The following CMAS variants were observed in gnomAD, a reference collection of about 807,000 sequenced individuals.
CMAS encodes N-acylneuraminate cytidylyltransferase.
Under a neutral mutation model 53.4 loss-of-function variants are expected in CMAS, and 21 were observed. The ratio of observed to expected loss-of-function variants is 0.39; its 90% CI spans 0.28 to 0.57. The LOEUF is 0.57. Ranked by LOEUF, CMAS falls within the 20% of genes least tolerant of loss-of-function variation. CMAS has a pLI of 0.56. For missense variants in CMAS, 384 were observed against 534.9 expected (o/e 0.72, Z 2.78); for synonymous variants, 189 against 195.2 (o/e 0.97, Z 0.27).
In CMAS at chr12:22,058,694, C is replaced by T. The variant is rs1472892529; in HGVS notation, c.687C>T (p.Tyr229=). The change falls in exon 4 of 8, where the codon TAC becomes TAT. Residue 229 remains tyrosine, a synonymous_variant. Coordinates refer to ENST00000229329, the MANE Select transcript of CMAS (RefSeq NM_018686.6). ...FAKRHLIEMG[Y]LQGGKMAYYE... ...AAAGACATTTGATAGAGATGGGTTA[C>T]TTGCAGGTTTGTACCTTCATTTTGC... 1 of 1,612,944 alleles carries T rather than the reference C, an allele frequency of 6.2e-7. No homozygotes were observed. Among genetic ancestry groups the T allele is most frequent in the Non-Finnish European group, 8.5e-7 (1 of 1,179,482 alleles).
intron 4 of CMAS, among the ~76,000 whole-genome samples, chr12:22,059,844 C>T (rs1482595097): frequency 6.7e-6 from 1 of 149,400 alleles, no homozygotes; most frequent in African/African-American, 2.5e-5. Flanking sequence ...ACTGACAATT[C>T]TGAAAAAAAA....
intron 6 of CMAS, 92 bp downstream of exon 6, chr12:22,061,544 T>A (rs758777187): frequency 2.4e-5 from 20 of 841,612 alleles, no homozygotes; most frequent in Non-Finnish European, 2.9e-5. Flanking sequence ...ATTTTTAGTA[T>A]TAACTCTTAA....
At chr12:22,054,648 ATATTT>A in intron 1 of CMAS, among the ~76,000 whole-genome samples, 1 of 151,946 alleles carries the variant, frequency 6.6e-6, no homozygotes, top group Non-Finnish European at 1.5e-5. Flanking sequence ...GCATATTAAA[ATATTT>A]TATACAATAT....
intron 1 of CMAS, among the ~76,000 whole-genome samples, chr12:22,050,984 CT>C: frequency 6.6e-6 from 1 of 152,018 alleles, no homozygotes; most frequent in South Asian, 2.1e-4. Flanking sequence ...TCTTTTGTTT[CT>C]TCAAAAAATG....
intron 3 of CMAS, 99 bp from the exon 4 acceptor site, chr12:22,058,468 T>C (rs900096404): frequency 5.9e-6 from 6 of 1,017,572 alleles, no homozygotes; most frequent in African/African-American, 1.6e-5. Context: ...AAAGAAATGC[T>C]CTGCATTCTG....
At chr12:22,064,386 A>G (rs1208964851) in intron 7 of CMAS, among the ~76,000 whole-genome samples, 3 of 152,120 alleles carry the variant, frequency 2.0e-5, no homozygotes, top group African/African-American at 7.2e-5. Flanking sequence ...CTATTAATAA[A>G]TGGCATACCA....
At chr12:22,063,948 A>C (rs1950326561) in intron 7 of CMAS, 1 of 152,098 alleles carries the variant, frequency 6.6e-6, no homozygotes, top group South Asian at 2.1e-4. Flanking sequence ...AAAAAATAAT[A>C]ACTCACTCAC....
At chr12:22,061,231 A>C (rs1345149826) in intron 5 of CMAS, 50 bp from the exon 6 acceptor site, 5 of 1,233,538 alleles carry the variant, frequency 4.1e-6, no homozygotes, top group Non-Finnish European at 5.9e-6. Context: ...GATGAGAGGG[A>C]GTGATTAGTA....
At chr12:22,063,200 A>G (rs1950319987) in intron 7 of CMAS, among the ~76,000 whole-genome samples, 1 of 152,210 alleles carries the variant, frequency 6.6e-6, no homozygotes, top group Non-Finnish European at 1.5e-5. Context: ...CATAATAACT[A>G]TAAATCATGT....
At chr12:22,060,645 C>T (rs1301378273) in intron 4 of CMAS, 187 bp from the exon 5 acceptor site, 2 of 448,486 alleles carry the variant, frequency 4.5e-6, no homozygotes, top group Admixed American at 3.4e-5. Context: ...CAGAGTGAAA[C>T]CCTGACTCGA....
At chr12:22,058,929 TA>T (rs1565531072) in intron 4 of CMAS, among the ~76,000 whole-genome samples, 1 of 152,022 alleles carries the variant, frequency 6.6e-6, no homozygotes, top group East Asian at 1.9e-4. Flanking sequence ...GCTACAACGA[TA>T]AAAAAATGAA....
At chr12:22,058,064 T>A (rs1591794062) in intron 3 of CMAS, among the ~76,000 whole-genome samples, 2 of 151,650 alleles carry the variant, frequency 1.3e-5, no homozygotes, top group African/African-American at 4.8e-5. Flanking sequence ...TGACCTCAAG[T>A]GATCCGCCCG....
At chr12:22,052,980 A>C (rs980272539) in intron 1 of CMAS, among the ~76,000 whole-genome samples, 1 of 152,160 alleles carries the variant, frequency 6.6e-6, no homozygotes, top group African/African-American at 2.4e-5. Context: ...CTTTCCACTC[A>C]TGATAATTGA....
chr12:22,062,376 A>T lies in CMAS; in HGVS notation c.1056A>T (p.Ala352=). ...AAGTCAGTGTATCAGACAAGCTAGC[A>T]GTTGTAGATGAATGGAGAAAAGAAA... ...KMEVSVSDKL[A]VVDEWRKEMG... The change falls in exon 7 of 8, where the codon GCA becomes GCT. Residue 352 remains alanine, a synonymous_variant. Transcript: ENST00000229329. 1.2e-6 allele frequency: 2 copies of T among 1,613,650 alleles called. No individual in the cohort carries two copies. The highest frequency in any genetic ancestry group is 1.7e-6 in the Non-Finnish European group (2 of 1,179,792).
At chr12:22,059,149 T>TATA (rs1491113231) in intron 4 of CMAS, among the ~76,000 whole-genome samples, 210 of 91,904 alleles carry the variant, frequency 2.3e-3, no homozygotes, top group African/African-American at 6.2e-3. Flanking sequence ...TATATATATA[T>TATA]TTTTTTTTTT....
At chr12:22,054,693 C>T (rs577306659) in intron 1 of CMAS, among the ~76,000 whole-genome samples, 7 of 151,178 alleles carry the variant, frequency 4.6e-5, no homozygotes, top group African/African-American at 1.7e-4. Context: ...TAAGCAAGAT[C>T]TTTAATTTTC....
chr12:22,047,476 T>C (rs996953060), intron 1 of CMAS, among the ~76,000 whole-genome samples: 1 of 152,198 alleles, frequency 6.6e-6, no homozygotes, highest in African/African-American at 2.4e-5. Flanking sequence ...AGTCATCTCT[T>C]TTTCTTTTTG....
intron 6 of CMAS, 55 bp downstream of exon 6, chr12:22,061,507 G>A: frequency 8.1e-7 from 1 of 1,230,566 alleles, no homozygotes; most frequent in Non-Finnish European, 1.1e-6. Flanking sequence ...CAGGGTCAAA[G>A]AACATGCAAG....
At position 22,046,252 on chromosome 12, in the gene CMAS, G is replaced by A. The variant is rs1029060960; in HGVS notation, c.-52G>A. The A allele has an allele frequency of 1.4e-4, 202 of 1,396,138 alleles. No individual in the cohort carries two copies. In the African/African-American group the frequency reaches 2.9e-3, roughly 20 times the overall value. The allele number at this position is 1,396,138 out of a possible 1,614,324, so 86.5% of individuals were successfully genotyped here. A position where few individuals can be genotyped will look rare whatever the true frequency, so the allele number is the denominator to read the frequency against. On this transcript the variant is annotated 5_prime_UTR_variant, in exon 1 of 8. Transcript: ENST00000229329. ...TCGGGCGGCGCCGAGCTGAGGTGGTGAGGGACTAGCTCCCGGATGTGGAGA... is the reference window on the plus strand; with the variant it reads ...TCGGGCGGCGCCGAGCTGAGGTGGTAAGGGACTAGCTCCCGGATGTGGAGA...
Sources: gnomAD v4.1 joint callset for allele counts (sites outside exome capture counted in the v4.1 genomes callset) on GRCh38, gnomAD v4.1.1 for gene constraint, MANE v1.5 for transcripts, NCBI Gene and HGNC (gene_info 2026-07-23, HGNC 2026-07-21) for gene names.